The following C12orf42 variants were observed in gnomAD, a reference collection of about 807,000 sequenced individuals.
The protein encoded by C12orf42 is uncharacterized protein C12orf42.
A neutral mutation model predicts 21.6 loss-of-function variants in C12orf42; 25 were observed. The observed-to-expected ratio is 1.16, with a 90% CI of 0.84 to 1.62. C12orf42 has a LOEUF of 1.62. Ranked by LOEUF, C12orf42 falls within the 40% of genes most tolerant of loss-of-function variation. The probability of loss-of-function intolerance (pLI) is 0.00; values close to 1 mark genes in which losing one functional copy is unlikely to be tolerated. For missense variants in C12orf42, 483 were observed against 459.3 expected, an observed-to-expected ratio of 1.05 and a Z score of -0.47; for synonymous variants, 174 against 175.0, an observed-to-expected ratio of 0.99 and a Z score of 0.05.
the C12orf42 span, chr12:103,168,038 G>A: frequency 1.5e-5 from 7 of 455,602 alleles, no homozygotes; most frequent in African/African-American, 1.2e-4. Flanking sequence ...CTCTTTATAG[G>A]TGAGGGAGAA....
At chr12:103,115,174 CCTT>C in the C12orf42 span, among the ~76,000 whole-genome samples, 1 of 152,182 alleles carries the variant, frequency 6.6e-6, no homozygotes, top group East Asian at 1.9e-4. Flanking sequence ...ACTATTATTT[CCTT>C]CTTCATTGCT....
chr12:103,307,450 TG>T (rs2038479129), intron 4 of C12orf42, among the ~76,000 whole-genome samples: 1 of 152,288 alleles, frequency 6.6e-6, no homozygotes, highest in Non-Finnish European at 1.5e-5. Context: ...GACAGCCTAC[TG>T]TGTCAACTCA....
At chr12:103,068,127 C>A in the C12orf42 span, among the ~76,000 whole-genome samples, 4 of 152,152 alleles carry the variant, frequency 2.6e-5, no homozygotes, top group African/African-American at 9.7e-5. Context: ...AGGTAGTCAT[C>A]AATACCAGCT....
At chr12:103,561,454 C>T in the C12orf42 span, among the ~76,000 whole-genome samples, 1 of 152,116 alleles carries the variant, frequency 6.6e-6, no homozygotes, top group East Asian at 1.9e-4. Flanking sequence ...TGCAGACATC[C>T]AACTTATCAA....
chr12:103,119,894 C>T, the C12orf42 span, among the ~76,000 whole-genome samples: 2 of 152,190 alleles, frequency 1.3e-5, no homozygotes, highest in African/African-American at 4.8e-5. Context: ...TGGCCTTTGG[C>T]CCTGCTGTTG....
chr12:103,434,837 G>C (rs566797506), intron 2 of C12orf42, among the ~76,000 whole-genome samples: 15 of 152,324 alleles, frequency 9.8e-5, no homozygotes, highest in South Asian at 2.1e-4. Context: ...GGCGACTGCC[G>C]TTGCCCAGGC....
chr12:103,196,798 C>G, the C12orf42 span, among the ~76,000 whole-genome samples: 1 of 151,890 alleles, frequency 6.6e-6, no homozygotes, highest in South Asian at 2.1e-4. Context: ...TTTCTTTGAG[C>G]TTACAGGTGT....
chr12:103,200,197 A>C, the C12orf42 span, among the ~76,000 whole-genome samples: 2 of 152,226 alleles, frequency 1.3e-5, no homozygotes, highest in African/African-American at 2.4e-5. Flanking sequence ...GTGAACTTAG[A>C]GGACATTATG....
the C12orf42 span, among the ~76,000 whole-genome samples, chr12:103,123,086 G>A: frequency 3.3e-5 from 5 of 152,322 alleles, no homozygotes; most frequent in African/African-American, 9.6e-5. Context: ...ATGCTTACAA[G>A]AGCTTCTACA....
At chr12:103,222,813 T>C in the C12orf42 span, among the ~76,000 whole-genome samples, 4 of 151,840 alleles carry the variant, frequency 2.6e-5, no homozygotes, top group Non-Finnish European at 5.9e-5. Flanking sequence ...AGATGTCCCA[T>C]ATCAAGCCAC....
the C12orf42 span, among the ~76,000 whole-genome samples, chr12:103,199,614 CA>C: frequency 6.1e-4 from 93 of 151,836 alleles, no homozygotes; most frequent in Non-Finnish European, 1.2e-3. Context: ...AACTCAATAG[CA>C]AAAAAACAAA....
In C12orf42 at chr12:103,478,400, TTG is replaced by T. The variant is rs775815137; in HGVS notation, c.25_26del (p.Gln9LysfsTer34). The T allele has an allele frequency of 5.4e-5, 87 of 1,599,970 alleles. No individual in the cohort carries two copies. Among genetic ancestry groups the T allele is most frequent in the South Asian group, 2.4e-4 (21 of 89,150 alleles). On this transcript the variant is annotated frameshift_variant, in exon 2 of 6. Coordinates refer to ENST00000548883, the MANE Select transcript of C12orf42 (RefSeq NM_198521.5). ...TGGTTAGCAAGAATTCTTCTTCCCT[TTG>T]TTTCATACATATCACTGTAGACATT... Reference protein sequence around the residue: MSTVICMKQREEEFLLTIR... With the variant: MSTVICMKXREEEFLLTIR...
chr12:103,398,465 C>T (rs905991066), intron 3 of C12orf42, among the ~76,000 whole-genome samples: 2 of 152,002 alleles, frequency 1.3e-5, no homozygotes, highest in East Asian at 3.8e-4. Context: ...TAACTTGTAA[C>T]TTGTCCTTTA....
At chr12:103,353,126 A>G (rs1314709884) in intron 4 of C12orf42, among the ~76,000 whole-genome samples, 1 of 152,162 alleles carries the variant, frequency 6.6e-6, no homozygotes, top group East Asian at 1.9e-4. Flanking sequence ...CAAAATGTAG[A>G]GTCCAAAAGA....
At chr12:103,160,402 C>T in the C12orf42 span, among the ~76,000 whole-genome samples, 3 of 152,296 alleles carry the variant, frequency 2.0e-5, no homozygotes, top group East Asian at 3.9e-4. Context: ...TTCTCTAATA[C>T]CCTGTATTCA....
the C12orf42 span, among the ~76,000 whole-genome samples, chr12:103,560,432 T>A: frequency 0.78 from 118,170 of 151,068 alleles, 46,687 homozygotes; most frequent in Non-Finnish European, 0.84. Flanking sequence ...GTCTTCATCT[T>A]TTAAATAAGG....
downstream of C12orf42, among the ~76,000 whole-genome samples, chr12:103,233,027 C>T (rs1593182806): frequency 6.6e-6 from 1 of 152,174 alleles, no homozygotes; most frequent in South Asian, 2.1e-4. Flanking sequence ...ATCTTCCAAT[C>T]CTGCTCTTCT....
At chr12:103,525,367 T>G in the C12orf42 span, among the ~76,000 whole-genome samples, 1 of 143,234 alleles carries the variant, frequency 7.0e-6, no homozygotes, top group Non-Finnish European at 1.6e-5. Flanking sequence ...GAGTGACAAA[T>G]GCATTGTGAC....
the C12orf42 span, among the ~76,000 whole-genome samples, chr12:103,183,104 C>T: frequency 0.019 from 2,916 of 152,248 alleles, 35 homozygotes; most frequent in East Asian, 0.028. Context: ...CATTTTAAGA[C>T]GGAATCTCTT....
Sources: allele counts gnomAD v4.1 joint callset (sites outside exome capture counted in the v4.1 genomes callset), GRCh38; gene constraint gnomAD v4.1.1; transcripts MANE v1.5; gene names NCBI Gene and HGNC (gene_info 2026-07-23, HGNC 2026-07-21).